Variants in HNF4A observed in about 807,000 individuals in gnomAD.
HNF4A encodes the protein hepatocyte nuclear factor 4 alpha.
HNF4A carries 15 observed loss-of-function variants against 52.4 expected under a neutral mutation model. The ratio of observed to expected loss-of-function variants is 0.29; its 90% confidence interval spans 0.19 to 0.44. HNF4A has a LOEUF of 0.44. Ranked by LOEUF, HNF4A falls within the 20% of genes least tolerant of loss-of-function variation. HNF4A has a pLI of 1.00. For synonymous variants in HNF4A, 280 were observed against 264.4 expected (o/e 1.06, Z -0.57); for missense variants, 479 against 647.2 (o/e 0.74, Z 2.82).
chr20:44,381,278 G>GGTTTTT (rs1568699825), intron 1 of HNF4A, among the ~76,000 whole-genome samples: 2 of 121,672 alleles, frequency 1.6e-5, no homozygotes, highest in African/African-American at 7.1e-5. Context: ...ATCAGTGAGA[G>GGTTTTT]CTTTTTTTTT....
At chr20:44,356,002 C>T in intron 1 of HNF4A, 149 bp downstream of exon 1, 1 of 694,368 alleles carries the variant, frequency 1.4e-6, no homozygotes, top group Non-Finnish European at 2.4e-6. Flanking sequence ...GGCAATGTGA[C>T]CGCTTCCCTA....
intron 1 of HNF4A, among the ~76,000 whole-genome samples, chr20:44,391,846 G>A (rs1446681669): frequency 6.6e-6 from 1 of 152,214 alleles, no homozygotes; most frequent in Non-Finnish European, 1.5e-5. Context: ...TAGTGAGGAA[G>A]TCAAGGAGAA....
chr20:44,415,818 C>A (rs973403071), intron 5 of HNF4A, among the ~76,000 whole-genome samples: 1 of 152,118 alleles, frequency 6.6e-6, no homozygotes, highest in Non-Finnish European at 1.5e-5. Flanking sequence ...GGGGCTGGAC[C>A]CGGGGCCCTC....
At chr20:44,366,577 CG>C (rs1433897503) in intron 1 of HNF4A, among the ~76,000 whole-genome samples, 1 of 152,006 alleles carries the variant, frequency 6.6e-6, no homozygotes, top group Non-Finnish European at 1.5e-5. Flanking sequence ...GCCAAGATCA[CG>C]CCACTGTACT....
At chr20:44,375,599 A>G (rs2063076695) in intron 1 of HNF4A, among the ~76,000 whole-genome samples, 1 of 152,044 alleles carries the variant, frequency 6.6e-6, no homozygotes, top group South Asian at 2.1e-4. Context: ...GTCATACAGT[A>G]AGTTAGTGGC....
At position 44,403,764 on chromosome 20, in the gene HNF4A, C is replaced by A. The variant is rs189531244; in HGVS notation, c.115+2277C>A. On this transcript the variant is annotated intron_variant, in intron 1 of 9. Transcript: ENST00000316099. The stretch of plus-strand genomic sequence containing the variant: ...CTTCACGGGAAGCAGTGCGATGACA[C>A]CAGGAAGCCACTTTTCCTCTCTAAG... Among the ~76,000 whole-genome samples the A allele has an allele frequency of 3.9e-5, 6 of 152,188 alleles. No individual in the cohort carries two copies. In the East Asian group the frequency reaches 1.2e-3, roughly 29 times the overall value.
intron 1 of HNF4A, among the ~76,000 whole-genome samples, chr20:44,404,732 GTTCA>G (rs2063461262): frequency 6.9e-6 from 1 of 145,322 alleles, no homozygotes. Context: ...TGGACTCTGT[GTTCA>G]TGTGTGTGTA....
At chr20:44,404,326 G>A (rs758380718) in intron 1 of HNF4A, among the ~76,000 whole-genome samples, 2 of 152,144 alleles carry the variant, frequency 1.3e-5, no homozygotes, top group Non-Finnish European at 2.9e-5. Flanking sequence ...ATGTCACACG[G>A]CTAAAAAGTG....
At position 44,401,369 on chromosome 20, in the gene HNF4A, G is replaced by C. The variant is rs1361904809; in HGVS notation, c.-4G>C. 2.5e-6 allele frequency: 4 copies of C among 1,614,000 alleles called. No homozygotes were observed. In the African/African-American group the frequency reaches 5.3e-5, roughly 22 times the overall value. Reference sequence around the variant, plus strand: ...CAGGTGGCCGCGGCGTGGAGGCAGGGAGAATGCGACTCTCCAAAACCCTCG... The same window carrying C: ...CAGGTGGCCGCGGCGTGGAGGCAGGCAGAATGCGACTCTCCAAAACCCTCG... On this transcript the variant is annotated 5_prime_UTR_variant, in exon 1 of 10. Transcript: ENST00000316099.
At chr20:44,366,453 TCTA>T (rs2062971140) in intron 1 of HNF4A, among the ~76,000 whole-genome samples, 1 of 152,148 alleles carries the variant, frequency 6.6e-6, no homozygotes, top group African/African-American at 2.4e-5. Flanking sequence ...AAATCCCATC[TCTA>T]CTAAAAATTC....
At chr20:44,375,369 T>C (rs1465850049) in intron 1 of HNF4A, among the ~76,000 whole-genome samples, 1 of 152,248 alleles carries the variant, frequency 6.6e-6, no homozygotes, top group Non-Finnish European at 1.5e-5. Context: ...CTGTTTACTC[T>C]GTTGATAGTT....
chr20:44,409,765 G>A (rs183423870), intron 3 of HNF4A, among the ~76,000 whole-genome samples: 279 of 151,912 alleles, frequency 1.8e-3, no homozygotes, highest in Non-Finnish European at 3.5e-3. Context: ...TATGAGTCTC[G>A]CTCCTCACTC....
At chr20:44,418,771 T>C (rs546423274) in intron 6 of HNF4A, among the ~76,000 whole-genome samples, 63 of 152,276 alleles carry the variant, frequency 4.1e-4, no homozygotes, top group Admixed American at 9.8e-4. Flanking sequence ...ATCCCTGGAA[T>C]TACCTGTGCA....
At chr20:44,428,289 T>A in intron 8 of HNF4A, 46 bp from the exon 9 acceptor site, 1 of 1,608,522 alleles carries the variant, frequency 6.2e-7, no homozygotes, top group Non-Finnish European at 8.5e-7. Context: ...AGGCCTGAGG[T>A]CTGCATCCCA....
Position 44,428,346 on chromosome 20 carries a change from G to A in HNF4A, c.1141G>A (p.Asp381Asn), listed in dbSNP as rs1204164924. 6 of 1,613,886 alleles carry A rather than the reference G, an allele frequency of 3.7e-6. No homozygotes were observed. Among genetic ancestry groups the A allele is most frequent in the East Asian group, 2.2e-5 (1 of 44,880 alleles). ...TTCTCTACCTGCAGGGTCCCCCAGC[G>A]ATGCACCCCATGCCCACCACCCCCT... Residue 381 changes from aspartate (D) to asparagine (N), a missense_variant, in exon 9 of 10, where the codon GAT (aspartate) becomes AAT (asparagine). Physicochemically the swap from Asp to Asn is conservative, Grantham distance 23. Coordinates refer to ENST00000316099, the MANE Select transcript of HNF4A (RefSeq NM_000457.6).
At chr20:44,373,902 C>G (rs1817000456) in intron 1 of HNF4A, among the ~76,000 whole-genome samples, 1 of 152,038 alleles carries the variant, frequency 6.6e-6, no homozygotes, top group Non-Finnish European at 1.5e-5. Flanking sequence ...GTTGGCCAGC[C>G]TGATCTCGAA....
At chr20:44,429,422 G>T in intron 9 of HNF4A, 101 bp from the exon 10 acceptor site, 1 of 1,270,580 alleles carries the variant, frequency 7.9e-7, no homozygotes. Flanking sequence ...TTAAGTCAAG[G>T]TGGGGCAGGG....
chr20:44,413,988 C>T lies in HNF4A; in HGVS notation c.492+188C>T, dbSNP rs536320356. Among the ~76,000 whole-genome samples, 18 of 152,306 alleles carry T rather than the reference C, an allele frequency of 1.2e-4. No individual in the cohort carries two copies. The East Asian group carries it at 2.1e-3, about 18-fold the overall frequency. ...CAGCAAGGGCAGGAATCGAACCTGG[C>T]GCCCTGGGGCACTTTCTAATTCATC... On this transcript the variant is annotated intron_variant, in intron 4 of 9. Coordinates refer to ENST00000316099, the MANE Select transcript of HNF4A (RefSeq NM_000457.6).
chr20:44,394,279 C>G (rs1168983579), intron 1 of HNF4A, among the ~76,000 whole-genome samples: 1 of 152,116 alleles, frequency 6.6e-6, no homozygotes, highest in Non-Finnish European at 1.5e-5. Flanking sequence ...GGCTGGAGCC[C>G]CTGAATACCC....
Sources: gnomAD v4.1 joint callset for allele counts (sites outside exome capture counted in the v4.1 genomes callset) on GRCh38, gnomAD v4.1.1 for gene constraint, MANE v1.5 for transcripts, NCBI Gene and HGNC (gene_info 2026-07-23, HGNC 2026-07-21) for gene names.